Variants in SGCZ observed in about 807,000 individuals in gnomAD.
SGCZ encodes zeta-sarcoglycan.
In SGCZ, 40 loss-of-function variants were observed where a neutral mutation model predicts 41.3. That is an observed-to-expected ratio of 0.97 (90% CI 0.75 to 1.26). SGCZ has a LOEUF of 1.26. Ranked by LOEUF, SGCZ falls within the 50% of genes most tolerant of loss-of-function variation. SGCZ has a pLI of 0.00. For synonymous variants in SGCZ, 206 were observed against 137.5 expected, an observed-to-expected ratio of 1.50 and a Z score of -3.49; for missense variants, 552 against 369.8, an observed-to-expected ratio of 1.49 and a Z score of -4.04.
intron 2 of SGCZ, among the ~76,000 whole-genome samples, chr8:14,552,084 G>T (rs1414896792): frequency 7.8e-6 from 1 of 127,540 alleles, no homozygotes; most frequent in East Asian, 2.3e-4. Context: ...AACAACTGAC[G>T]CATGATTTTC....
intron 1 of SGCZ, among the ~76,000 whole-genome samples, chr8:14,871,545 C>G (rs1025992197): frequency 6.6e-6 from 1 of 152,008 alleles, no homozygotes; most frequent in African/African-American, 2.4e-5. Context: ...GTGGCTCACA[C>G]CTGTAATCCC....
intron 4 of SGCZ, among the ~76,000 whole-genome samples, chr8:14,207,259 T>G (rs1399426113): frequency 8.3e-6 from 1 of 119,960 alleles, no homozygotes; most frequent in East Asian, 2.5e-4. Context: ...TCAATTTAAA[T>G]GTAACAATTT....
intron 3 of SGCZ, among the ~76,000 whole-genome samples, chr8:14,289,996 A>G (rs1800785130): frequency 6.6e-6 from 1 of 151,836 alleles, no homozygotes; most frequent in Non-Finnish European, 1.5e-5. Flanking sequence ...TAAACAGCAG[A>G]TCTTGTGAGA....
intron 1 of SGCZ, among the ~76,000 whole-genome samples, chr8:14,720,897 T>C (rs2089750): frequency 0.73 from 110,369 of 151,712 alleles, 40,380 homozygotes; most frequent in Admixed American, 0.77. Flanking sequence ...TTTTCCCCAA[T>C]ACTTCATGGA....
intron 1 of SGCZ, among the ~76,000 whole-genome samples, chr8:14,940,595 A>T (rs563820089): frequency 6.6e-6 from 1 of 152,188 alleles, no homozygotes; most frequent in African/African-American, 2.4e-5. Flanking sequence ...CATATAAACA[A>T]AAAGATAAAT....
In SGCZ at chr8:14,297,902, T is replaced by C. The variant is rs138995917; in HGVS notation, c.336+26201A>G. Among the ~76,000 whole-genome samples the C allele has an allele frequency of 6.6e-3, 1,004 of 151,870 alleles. 15 individuals carry two copies. The highest frequency in any genetic ancestry group is 0.022 in the African/African-American group (921 of 41,468). ...TTGCCACTCATTTTAGGAGGGAGAA[T>C]GAATGGTGATAATACAACTAGATAA... On this transcript the variant is annotated intron_variant, in intron 3 of 7. Transcript: ENST00000382080.
At chr8:14,688,325 T>C (rs1808684979) in intron 1 of SGCZ, among the ~76,000 whole-genome samples, 1 of 152,206 alleles carries the variant, frequency 6.6e-6, no homozygotes. Flanking sequence ...TTTATGGTTT[T>C]AGGTCTAAAG....
At chr8:14,594,328 T>C (rs528593608) in intron 1 of SGCZ, among the ~76,000 whole-genome samples, 2 of 152,174 alleles carry the variant, frequency 1.3e-5, no homozygotes, top group East Asian at 3.9e-4. Context: ...TTGATGCTAC[T>C]GGTCCAGGTA....
chr8:14,712,408 T>C (rs1488463689), intron 1 of SGCZ, among the ~76,000 whole-genome samples: 1 of 152,202 alleles, frequency 6.6e-6, no homozygotes, highest in Non-Finnish European at 1.5e-5. Context: ...ATCATTAGAA[T>C]CACTTAGTTC....
At position 15,062,789 on chromosome 8, in the gene SGCZ, G is replaced by A. The variant is rs140488167; in HGVS notation, c.39+174796C>T. On this transcript the variant is annotated intron_variant, in intron 1 of 7. Coordinates refer to ENST00000382080, the MANE Select transcript of SGCZ (RefSeq NM_139167.4). ...ATGGATTTGTTAAACCCTTTTTACA[G>A]TCTTACGTATAGTAAAATATCACTA... 7.1e-3 allele frequency among the ~76,000 whole-genome samples: 1,080 copies of A among 152,248 alleles called. 22 individuals are homozygous for A. The highest frequency in any genetic ancestry group is 0.047 in the East Asian group (244 of 5,184).
intron 1 of SGCZ, among the ~76,000 whole-genome samples, chr8:15,228,166 A>G (rs78480851): frequency 6.6e-6 from 1 of 152,238 alleles, no homozygotes; most frequent in Non-Finnish European, 1.5e-5. Flanking sequence ...ATACGTATGT[A>G]ATATATTCAT....
chr8:14,586,991 T>G (rs1585102592), intron 1 of SGCZ, among the ~76,000 whole-genome samples: 1 of 152,046 alleles, frequency 6.6e-6, no homozygotes, highest in Middle Eastern at 3.4e-3. Flanking sequence ...TGGAAAGTCA[T>G]ATTATTTACA....
intron 1 of SGCZ, among the ~76,000 whole-genome samples, chr8:14,817,148 A>G (rs1486368828): frequency 5.9e-5 from 9 of 152,208 alleles, no homozygotes; most frequent in Admixed American, 5.9e-4. Context: ...ACTCAGTAAC[A>G]TCCTTTTCCT....
rs910176199 is a variant in SGCZ at position 14,108,345 on chromosome 8, G to T, written c.548-110C>A. 6.6e-6 allele frequency: 6 copies of T among 905,490 alleles called. No individual in the cohort carries two copies. In the East Asian group the frequency reaches 1.5e-4, roughly 23 times the overall value. The allele number at this position is 905,490 out of a possible 1,614,324, so 56.1% of individuals were successfully genotyped here. ...CCAAAACAGAGAAAACTTAAAACAG[G>T]TACATATGATGTATTAGTCCGTTTT... On this transcript the variant is annotated intron_variant, in intron 5 of 7. Transcript: ENST00000382080.
chr8:14,663,472 C>T (rs1563187346), intron 1 of SGCZ, among the ~76,000 whole-genome samples: 1 of 152,166 alleles, frequency 6.6e-6, no homozygotes, highest in East Asian at 1.9e-4. Flanking sequence ...ATTTAAGCTC[C>T]ACAATTTACT....
In SGCZ at chr8:14,164,608, G is replaced by A. The variant is rs760904962; in HGVS notation, c.519C>T (p.Thr173=). The change falls in exon 5 of 8, where the codon ACC becomes ACT. Residue 173 remains threonine (T), a synonymous_variant. Transcript: ENST00000382080. ...TAACTTTCAGCTTTTCAGCCCCAAT[G>A]GTAATCTCATCTTCATCTGCAGAAA... The part of the protein sequence containing the change: ...VLFSADEDEI[T]IGAEKLKVTG... 15 of 1,613,434 alleles carry A rather than the reference G, an allele frequency of 9.3e-6. No homozygotes were observed. The South Asian group carries it at 1.3e-4, about 14-fold the overall frequency.
chr8:14,949,603 T>A (rs1800564679), intron 1 of SGCZ, among the ~76,000 whole-genome samples: 1 of 152,100 alleles, frequency 6.6e-6, no homozygotes, highest in African/African-American at 2.4e-5. Flanking sequence ...GCAAGATATT[T>A]TATTGAGACA....
At chr8:14,490,277 T>C (rs1321629223) in intron 2 of SGCZ, among the ~76,000 whole-genome samples, 2 of 152,200 alleles carry the variant, frequency 1.3e-5, no homozygotes, top group East Asian at 1.9e-4. Context: ...ATTACTAAAC[T>C]TTCTCCTGCT....
chr8:14,824,426 C>T (rs1802220200), intron 1 of SGCZ, among the ~76,000 whole-genome samples: 1 of 152,028 alleles, frequency 6.6e-6, no homozygotes, highest in South Asian at 2.1e-4. Flanking sequence ...CATGTCTACT[C>T]CCCTAAATTA....
Sources: allele counts gnomAD v4.1 joint callset (sites outside exome capture counted in the v4.1 genomes callset), GRCh38; gene constraint gnomAD v4.1.1; transcripts MANE v1.5; gene names NCBI Gene and HGNC (gene_info 2026-07-23, HGNC 2026-07-21).